The following MPDZ variants were observed in gnomAD, a reference collection of about 807,000 sequenced individuals.
The protein encoded by MPDZ is multiple PDZ domain protein.
MPDZ carries 234 observed loss-of-function variants against 239.1 expected under a neutral mutation model. The ratio of observed to expected loss-of-function variants is 0.98; its 90% CI spans 0.88 to 1.09. The LOEUF is 1.09. Ranked by LOEUF, MPDZ falls within the 50% of genes least tolerant of loss-of-function variation. The probability of loss-of-function intolerance (pLI) is 0.00; values close to 1 mark genes in which losing one functional copy is unlikely to be tolerated. For synonymous variants in MPDZ, 1,048 were observed against 881.3 expected (o/e 1.19, Z -3.35); for missense variants, 3,175 against 2,510.0 (o/e 1.26, Z -5.66).
chr9:13,108,891 T>C, intron 46 of MPDZ, 45 bp downstream of exon 46: 2 of 1,591,724 alleles, frequency 1.3e-6, no homozygotes, highest in Middle Eastern at 1.7e-4. Context: ...CCACTATTAA[T>C]GAATGTTTAG....
intron 1 of MPDZ, among the ~76,000 whole-genome samples, chr9:13,265,422 A>C (rs911019458): frequency 3.4e-4 from 51 of 152,180 alleles, no homozygotes; most frequent in Admixed American, 3.3e-3. Context: ...ATACAAAATT[A>C]GCCAGGTGTG....
At chr9:13,120,475 T>C (rs1944174052) in intron 38 of MPDZ, 1 of 152,262 alleles carries the variant, frequency 6.6e-6, no homozygotes, top group Non-Finnish European at 1.5e-5. Flanking sequence ...GTGGTTTTTA[T>C]GATGACCTGG....
At chr9:13,138,526 G>C (rs990640606) in intron 28 of MPDZ, among the ~76,000 whole-genome samples, 1 of 152,214 alleles carries the variant, frequency 6.6e-6, no homozygotes, top group South Asian at 2.1e-4. Flanking sequence ...TGTGTTCACT[G>C]ATCAGTGGGA....
rs537705599 is a variant in MPDZ, at chr9:13,230,356, G to A, written c.184-5773C>T. 5.3e-5 allele frequency among the ~76,000 whole-genome samples: 8 copies of A among 152,062 alleles called. No individual in the cohort carries two copies. The South Asian group carries it at 1.7e-3, about 32-fold the overall frequency. On this transcript the variant is annotated intron_variant, in intron 3 of 46. Coordinates refer to ENST00000319217, the MANE Select transcript of MPDZ (RefSeq NM_001378778.1). ...GTCCACACAAAATCCATACACAATCGCTCACAGCAGCTTATATATAATAGT... is the reference window on the plus strand; with the variant it reads ...GTCCACACAAAATCCATACACAATCACTCACAGCAGCTTATATATAATAGT...
chr9:13,231,563 A>T (rs1312761449), intron 3 of MPDZ, among the ~76,000 whole-genome samples: 1 of 152,090 alleles, frequency 6.6e-6, no homozygotes, highest in African/African-American at 2.4e-5. Flanking sequence ...TTAAAAAAAT[A>T]ATAATAATAG....
chr9:13,113,891 C>T (rs772781074), intron 41 of MPDZ, 40 bp downstream of exon 41: 2 of 1,487,540 alleles, frequency 1.3e-6, no homozygotes, highest in South Asian at 1.2e-5. Flanking sequence ...GTGTTGACAG[C>T]CAAATTCAAA....
intron 19 of MPDZ, 78 bp downstream of exon 19, chr9:13,183,340 A>G (rs1253639938): frequency 8.7e-6 from 10 of 1,146,380 alleles, no homozygotes; most frequent in Non-Finnish European, 1.2e-5. Context: ...TATTCCCACA[A>G]CTCCCCATAA....
chr9:13,159,876 G>A (rs552177657), intron 23 of MPDZ, among the ~76,000 whole-genome samples: 1 of 152,264 alleles, frequency 6.6e-6, no homozygotes, highest in African/African-American at 2.4e-5. Flanking sequence ...AGGGACTCAA[G>A]TGTCATGTCT....
intron 12 of MPDZ, among the ~76,000 whole-genome samples, chr9:13,204,095 A>G (rs1459936434): frequency 6.6e-6 from 1 of 152,166 alleles, no homozygotes; most frequent in African/African-American, 2.4e-5. Flanking sequence ...AGAAAATCCA[A>G]TAATGAAGGA....
intron 42 of MPDZ, 124 bp downstream of exon 42, chr9:13,112,887 A>G (rs1282305146): frequency 8.9e-6 from 8 of 898,292 alleles, no homozygotes; most frequent in South Asian, 6.6e-5. Context: ...TTCACATGTA[A>G]TATGTAAGAA....
At position 13,240,570 on chromosome 9, in the gene MPDZ, A is replaced by G. The variant is rs145349494; in HGVS notation, c.183+7065T>C. 3.3e-3 allele frequency among the ~76,000 whole-genome samples: 472 copies of G among 143,358 alleles called. 6 individuals carry two copies. Among genetic ancestry groups the G allele is most frequent in the African/African-American group, 0.011 (436 of 39,516 alleles). The allele number at this position is 143,358 out of a possible 152,430, so 94.0% of individuals were successfully genotyped here. ...ACTAAGGATTCAGAAACAGTGTAAC[A>G]TAATAAAAGTAAAAAAAAAAAAAAA... On this transcript the variant is annotated intron_variant, in intron 3 of 46. Coordinates refer to ENST00000319217, the MANE Select transcript of MPDZ (RefSeq NM_001378778.1).
chr9:13,279,387 A>G lies in MPDZ; in HGVS notation c.-58+13T>C, dbSNP rs1251550668. The stretch of plus-strand genomic sequence containing the variant: ...CGCCTCGGCCTCTGGGCCGGGGCTC[A>G]AGCGCCGCTTACCCGGCTCGCGGCG... On this transcript the variant is annotated intron_variant, in intron 1 of 46. Coordinates refer to ENST00000319217, the MANE Select transcript of MPDZ (RefSeq NM_001378778.1). 2.1e-5 allele frequency: 3 copies of G among 144,218 alleles called. No homozygotes were observed. Among genetic ancestry groups the G allele is most frequent in the Non-Finnish European group, 4.6e-5 (3 of 65,364 alleles). 8.9% of individuals were successfully genotyped at this position (144,218 alleles called of 1,614,324 possible). A position where few individuals can be genotyped will look rare whatever the true frequency, so the allele number is the denominator to read the frequency against.
chr9:13,178,067 G>C (rs1952751420), intron 19 of MPDZ, among the ~76,000 whole-genome samples: 1 of 151,944 alleles, frequency 6.6e-6, no homozygotes, highest in South Asian at 2.1e-4. Flanking sequence ...GCCTCTCAAA[G>C]TGTTGGGATT....
At chr9:13,112,341 G>A (rs1043363898) in intron 42 of MPDZ, among the ~76,000 whole-genome samples, 195 bp from the exon 43 acceptor site, 1 of 152,188 alleles carries the variant, frequency 6.6e-6, no homozygotes, top group Non-Finnish European at 1.5e-5. Context: ...CATCTGTTCA[G>A]GAAGTAAAAT....
intron 1 of MPDZ, among the ~76,000 whole-genome samples, chr9:13,260,258 C>T (rs1046520950): frequency 6.6e-6 from 1 of 151,822 alleles, no homozygotes; most frequent in Non-Finnish European, 1.5e-5. Context: ...ATAAAGAAGC[C>T]AGGTAAGAGG....
chr9:13,231,028 A>C (rs1441780151), intron 3 of MPDZ, among the ~76,000 whole-genome samples: 2 of 152,148 alleles, frequency 1.3e-5, no homozygotes, highest in Non-Finnish European at 2.9e-5. Flanking sequence ...TCAACAAAAC[A>C]GGAAAATGAT....
intron 25 of MPDZ, among the ~76,000 whole-genome samples, chr9:13,149,468 C>T (rs1047444767): frequency 1.3e-5 from 2 of 152,088 alleles, no homozygotes; most frequent in Non-Finnish European, 2.9e-5. Flanking sequence ...TTTTAGTCTA[C>T]TCTGTAAATC....
At chr9:13,156,020 C>T (rs1008665938) in intron 24 of MPDZ, among the ~76,000 whole-genome samples, 1 of 152,132 alleles carries the variant, frequency 6.6e-6, no homozygotes, top group African/African-American at 2.4e-5. Flanking sequence ...TCTTCTTTCT[C>T]ATAAGAAAAT....
intron 1 of MPDZ, among the ~76,000 whole-genome samples, chr9:13,272,035 G>C (rs1454687504): frequency 6.6e-6 from 1 of 152,098 alleles, no homozygotes; most frequent in East Asian, 1.9e-4. Context: ...GAAACTTTCG[G>C]GGGTGATGGA....
Sources: gnomAD v4.1 joint callset for allele counts (sites outside exome capture counted in the v4.1 genomes callset) on GRCh38, gnomAD v4.1.1 for gene constraint, MANE v1.5 for transcripts, NCBI Gene and HGNC (gene_info 2026-07-23, HGNC 2026-07-21) for gene names.